Variants in LMNTD2 observed in about 807,000 individuals in gnomAD.
LMNTD2 encodes lamin tail domain containing 2.
LMNTD2 carries 83 observed loss-of-function variants against 70.1 expected under a neutral mutation model. The ratio of observed to expected loss-of-function variants is 1.18; its 90% confidence interval spans 0.99 to 1.42. The LOEUF is 1.42. Among genes scored for constraint, LMNTD2 ranks in the 40% most tolerant of loss-of-function variants. The pLI, the probability that LMNTD2 is intolerant of heterozygous loss-of-function variation, is 0.00. For missense variants in LMNTD2, 1,153 were observed against 905.9 expected (o/e 1.27, Z -3.50); for synonymous variants, 534 against 406.1 (o/e 1.31, Z -3.79).
intron 1 of LMNTD2, chr11:559,226 C>A: frequency 1.3e-6 from 2 of 1,487,278 alleles, no homozygotes; most frequent in Non-Finnish European, 1.8e-6. Flanking sequence ...CAGCAGGTCA[C>A]CACCCGACAT....
chr11:555,509 GGGGC>G lies in LMNTD2; in HGVS notation c.1575-10_1575-7del. ...GGGGCAGCAGGCCCCGCGTCCTGGT[GGGGC>G]GAGGGTCGTGAGGGCGGCGGCCGGC... On this transcript the variant is annotated splice_polypyrimidine_tract_variant and splice_region_variant and intron_variant, in intron 12 of 13. Coordinates refer to ENST00000329451, the MANE Select transcript of LMNTD2 (RefSeq NM_173573.3). The G allele has an allele frequency of 7.3e-7, 1 of 1,361,342 alleles. No homozygotes were observed. The allele number at this position is 1,361,342 out of a possible 1,614,324, so 84.3% of individuals were successfully genotyped here. A position where few individuals can be genotyped will look rare whatever the true frequency, so the allele number is the denominator to read the frequency against.
intron 5 of LMNTD2, 80 bp from the exon 6 acceptor site, chr11:557,720 C>T (rs1852989786): frequency 3.1e-6 from 5 of 1,603,070 alleles, no homozygotes; most frequent in African/African-American, 1.3e-5. Flanking sequence ...CTCACCTGTG[C>T]TTTGAGGCCT....
intron 7 of LMNTD2, 38 bp downstream of exon 7, chr11:557,361 C>T (rs1184800911): frequency 3.2e-6 from 5 of 1,560,160 alleles, no homozygotes; most frequent in East Asian, 2.4e-5. Context: ...TGAGCCCTCC[C>T]TTCTGGCCCC....
intron 1 of LMNTD2, 149 bp downstream of exon 1, chr11:560,534 C>A: frequency 2.3e-6 from 3 of 1,278,966 alleles, no homozygotes; most frequent in Non-Finnish European, 3.0e-6. Context: ...AAAGGCTGGC[C>A]CGGGAAGCGA....
Position 556,356 on chromosome 11 carries a change from C to T in LMNTD2, c.1093G>A (p.Val365Met). 1.3e-6 allele frequency: 2 copies of T among 1,536,072 alleles called. No individual in the cohort carries two copies. The highest frequency in any genetic ancestry group is 4.9e-5 in the East Asian group (2 of 40,910). Residue 365 changes from valine to methionine, a missense_variant, in exon 10 of 14, where the codon GTG becomes ATG. By Grantham distance (21) the Val-to-Met change is conservative (BLOSUM62 1). Transcript: ENST00000329451. ...AACTTCTCCCGGCAGCTCACAGCCA[C>T]GATCTTCAGGCCTGTCGGGCTGGGA... is the stretch of plus-strand genomic sequence containing the variant. ...LLQSPTGLKI[V>M]AVSCREKFVR...
In LMNTD2 at chr11:556,983, G is replaced by A; in HGVS notation, c.828C>T (p.Ser276=). 6.2e-7 allele frequency: 1 copy of A among 1,607,642 alleles called. No homozygotes were observed. Among genetic ancestry groups the A allele is most frequent in the Non-Finnish European group, 8.5e-7 (1 of 1,179,066 alleles). Residue 276 remains serine, a synonymous_variant, in exon 8 of 14, where the codon AGC becomes AGT. Coordinates refer to ENST00000329451, the MANE Select transcript of LMNTD2 (RefSeq NM_173573.3). The part of the protein sequence containing the change: ...EWGSLPCLNT[S]SSGGADSDSS... Reference sequence around the variant, plus strand: ...AGTCGGAGTCAGCGCCCCCTGAGCTGCTGGTGTTCAGACAGGGCAGGGAGC... The same window carrying A: ...AGTCGGAGTCAGCGCCCCCTGAGCTACTGGTGTTCAGACAGGGCAGGGAGC...
rs577734556 is a variant in LMNTD2, at chr11:556,880, C to G, written c.931G>C (p.Glu311Gln). 1.3e-6 allele frequency: 2 copies of G among 1,593,294 alleles called. No individual in the cohort carries two copies. The highest frequency in any genetic ancestry group is 1.7e-6 in the Non-Finnish European group (2 of 1,171,092). ...HPPRDHRASSEQALVQAGSYS... is the reference protein window; with the variant it reads ...HPPRDHRASSQQALVQAGSYS... ...CTGCCGGCCTGCACCAGCGCTTGCTCGGAGGAAGCGCGGTGGTCCCGGGGC... is the reference window on the plus strand; with the variant it reads ...CTGCCGGCCTGCACCAGCGCTTGCTGGGAGGAAGCGCGGTGGTCCCGGGGC... Residue 311 changes from glutamate (E) to glutamine (Q), a missense_variant, in exon 8 of 14, where the codon GAG becomes CAG. Physicochemically the swap from Glu to Gln is conservative, Grantham distance 29 (BLOSUM62 2). Coordinates refer to ENST00000329451, the MANE Select transcript of LMNTD2 (RefSeq NM_173573.3).
rs1564815682 is a variant in LMNTD2, at chr11:556,490, A to G, written c.1073+2T>C. 3.9e-6 allele frequency: 6 copies of G among 1,550,858 alleles called. No individual in the cohort carries two copies. The highest frequency in any genetic ancestry group is 2.0e-5 in the Admixed American group (1 of 51,074). On this transcript the variant is annotated splice_donor_variant, in intron 9 of 13. Transcript: ENST00000329451. LOFTEE classifies it high-confidence loss of function. ...CGGAGGCTTGGGTCACTCGCCCCTT[A>G]CCTCTGCAGGAGTTCCGGGCTCCAG... is the stretch of plus-strand genomic sequence containing the variant.
rs1356919074 is a variant in LMNTD2 at position 558,257 on chromosome 11, G to A, written c.312-9C>T. The A allele has an allele frequency of 1.1e-5, 18 of 1,612,902 alleles. No individual in the cohort carries two copies. The highest frequency in any genetic ancestry group is 1.5e-5 in the Non-Finnish European group (18 of 1,179,694). On this transcript the variant is annotated splice_polypyrimidine_tract_variant and intron_variant, in intron 3 of 13. Coordinates refer to ENST00000329451, the MANE Select transcript of LMNTD2 (RefSeq NM_173573.3). ...CCTGACTGTGGGAGCTCCTGGAGGAGGGGTGACCTCAGCAGCCCCCACCCT... is the reference window on the plus strand; with the variant it reads ...CCTGACTGTGGGAGCTCCTGGAGGAAGGGTGACCTCAGCAGCCCCCACCCT...
At position 555,119 on chromosome 11, in the gene LMNTD2, GC is replaced by G; in HGVS notation, c.1774-9del. ...CACGCTCTTCCGGCACACCTGGGGG[GC>G]GCGGGGGCTGAGAGGCGCGCGGGGC... On this transcript the variant is annotated splice_polypyrimidine_tract_variant and intron_variant, in intron 13 of 13. Coordinates refer to ENST00000329451, the MANE Select transcript of LMNTD2 (RefSeq NM_173573.3). 1 of 1,453,320 alleles carries G rather than the reference GC, an allele frequency of 6.9e-7. No homozygotes were observed. Among genetic ancestry groups the G allele is most frequent in the Non-Finnish European group, 9.1e-7 (1 of 1,101,810 alleles). The allele number at this position is 1,453,320 out of a possible 1,614,324, so 90.0% of individuals were successfully genotyped here. A position where few individuals can be genotyped will look rare whatever the true frequency, so the allele number is the denominator to read the frequency against.
chr11:556,068 G>A lies in LMNTD2; in HGVS notation c.1305C>T (p.Ser435=). The A allele has an allele frequency of 1.9e-6, 3 of 1,545,886 alleles. No individual in the cohort carries two copies. The highest frequency in any genetic ancestry group is 2.6e-6 in the Non-Finnish European group (3 of 1,157,008). The part of the protein sequence containing the change: ...TRSAKKPLRA[S]SSREPVPLLS... Reference sequence around the variant, plus strand: ...GGAGGGGAACGGGCTCCCGGCTCGAGGACGCGCGCAGCGGCTTCTTGGCGC... The same window carrying A: ...GGAGGGGAACGGGCTCCCGGCTCGAAGACGCGCGCAGCGGCTTCTTGGCGC... Residue 435 remains serine, a synonymous_variant, in exon 11 of 14, where the codon TCC becomes TCT. Transcript: ENST00000329451.
Position 556,515 on chromosome 11 carries a change from G to A in LMNTD2, c.1050C>T (p.His350=). Residue 350 remains histidine, a synonymous_variant, in exon 9 of 14, where the codon CAC becomes CAT. Transcript: ENST00000329451. ...LSPQPCTDPD[H]WSPELLQSPT... ...ACCTCTGCAGGAGTTCCGGGCTCCA[G>A]TGGTCCGGGTCTGTGCAGGGCTGGG... The A allele has an allele frequency of 6.4e-7, 1 of 1,554,992 alleles. No individual in the cohort carries two copies. The highest frequency in any genetic ancestry group is 8.7e-7 in the Non-Finnish European group (1 of 1,149,366).
intron 5 of LMNTD2, 95 bp downstream of exon 5, chr11:557,789 C>T: frequency 1.3e-6 from 2 of 1,523,124 alleles, no homozygotes; most frequent in African/African-American, 1.4e-5. Context: ...GGCAGGCTTC[C>T]AGGCAGGCCA....
rs374225356 is a variant in LMNTD2 at position 557,037 on chromosome 11, G to C, written c.774C>G (p.Ser258=). 1.2e-6 allele frequency: 2 copies of C among 1,609,546 alleles called. No homozygotes were observed. The highest frequency in any genetic ancestry group is 2.2e-5 in the South Asian group (2 of 90,494). ...TGSPESSGKH[S]ERHHKTVEWG... The stretch of plus-strand genomic sequence containing the variant: ...ACTCCACGGTCTTGTGATGCCGCTC[G>C]GAATGCTTTCCAGAGGACTCTGGGC... The change falls in exon 8 of 14, where the codon TCC becomes TCG. Residue 258 remains serine, a synonymous_variant. Transcript: ENST00000329451.
chr11:559,083 G>A (rs771128255), intron 1 of LMNTD2, 104 bp from the exon 2 acceptor site: 41 of 1,543,616 alleles, frequency 2.7e-5, no homozygotes, highest in African/African-American at 5.4e-5. Context: ...TGGGGGGCCC[G>A]TCTGCCGTGT....
Position 556,915 on chromosome 11 carries a change from A to T in LMNTD2, c.896T>A (p.Ile299Lys). Residue 299 changes from isoleucine to lysine, a missense_variant, in exon 8 of 14, where the codon ATA (isoleucine) becomes AAA (lysine). Coordinates refer to ENST00000329451, the MANE Select transcript of LMNTD2 (RefSeq NM_173573.3). The part of the protein sequence containing the change: ...RPGLPSFVQV[I>K]GHPPRDHRAS... ...GCGGTGGTCCCGGGGCGGGTGCCCT[A>T]TCACCTGCACGAAGGAAGGCAGGCC... The T allele has an allele frequency of 6.3e-7, 1 of 1,596,698 alleles. No homozygotes were observed. The highest frequency in any genetic ancestry group is 8.5e-7 in the Non-Finnish European group (1 of 1,175,232).
In LMNTD2 at chr11:558,178, T is replaced by C. The variant is rs753355906; in HGVS notation, c.382A>G (p.Lys128Glu). ...QKLIQELKEQKERAQWEKEHL... is the reference protein window; with the variant it reads ...QKLIQELKEQEERAQWEKEHL... ...TGCCTCACCCACTGGGCTCGCTCCT[T>C]CTGTTCCTTCAACTCCTGGATCAGC... is the stretch of plus-strand genomic sequence containing the variant. Residue 128 changes from lysine to glutamate, a missense_variant, in exon 4 of 14, where the codon AAG becomes GAG. Transcript: ENST00000329451. The C allele has an allele frequency of 6.2e-7, 1 of 1,613,562 alleles. No homozygotes were observed. The highest frequency in any genetic ancestry group is 1.7e-5 in the Admixed American group (1 of 60,026).
rs888588176 is a variant in LMNTD2 at position 554,971 on chromosome 11, C to T, written c.*9G>A. The T allele has an allele frequency of 1.9e-6, 3 of 1,560,462 alleles. No homozygotes were observed. The highest frequency in any genetic ancestry group is 1.8e-5 in the Admixed American group (1 of 54,492). On this transcript the variant is annotated 3_prime_UTR_variant, in exon 14 of 14. Coordinates refer to ENST00000329451, the MANE Select transcript of LMNTD2 (RefSeq NM_173573.3). ...CCTCCCTCGCGGTCCCGGCCCCACT[C>T]CTCCGCCCCTAGGCGCCGCGGCAGG...
In LMNTD2 at chr11:556,192, C is replaced by T; in HGVS notation, c.1257G>A (p.Thr419=). Residue 419 remains threonine (T), a splice_region_variant and synonymous_variant, in exon 10 of 14, where the codon ACG becomes ACA. Transcript: ENST00000329451. ...GTLLAPRHHV[T]VWGEATRSAK... ...GCCGGGCTCCCGGGCCGGGGCGCAC[C>T]GTGACGTGGTGCCGCGGGGCCAGCA... is the stretch of plus-strand genomic sequence containing the variant. The T allele has an allele frequency of 7.1e-7, 1 of 1,404,048 alleles. No individual in the cohort carries two copies. The highest frequency in any genetic ancestry group is 1.5e-5 in the African/African-American group (1 of 66,588). 87.0% of individuals were successfully genotyped at this position (1,404,048 alleles called of 1,614,324 possible). A position where few individuals can be genotyped will look rare whatever the true frequency, so the allele number is the denominator to read the frequency against.
Sources: allele counts gnomAD v4.1 joint callset, GRCh38; gene constraint gnomAD v4.1.1; transcripts MANE v1.5; gene names NCBI Gene and HGNC (gene_info 2026-07-23, HGNC 2026-07-21).